TMEM232: variants seen among roughly 807,000 people sequenced by gnomAD.
The protein encoded by TMEM232 is transmembrane protein 232.
TMEM232 carries 80 observed loss-of-function variants against 78.8 expected under a neutral mutation model. That is an observed-to-expected ratio of 1.01 (90% confidence interval 0.85 to 1.22). The LOEUF (loss-of-function observed/expected upper bound fraction) is 1.22. Ranked by LOEUF, TMEM232 falls within the 50% of genes most tolerant of loss-of-function variation. The pLI, the probability that TMEM232 is intolerant of heterozygous loss-of-function variation, is 0.00. For missense variants in TMEM232, 881 were observed against 742.2 expected, an observed-to-expected ratio of 1.19 and a Z score of -2.17; for synonymous variants, 297 against 254.3, an observed-to-expected ratio of 1.17 and a Z score of -1.60.
chr5:110,531,340 GC>G (rs2149537842), intron 11 of TMEM232, among the ~76,000 whole-genome samples: 1 of 152,262 alleles, frequency 6.6e-6, no homozygotes, highest in East Asian at 1.9e-4. Context: ...GAAATTTGGT[GC>G]TGTGACTCGG....
intron 12 of TMEM232, among the ~76,000 whole-genome samples, chr5:110,495,396 T>A (rs945735600): frequency 1.3e-5 from 2 of 151,920 alleles, no homozygotes; most frequent in Non-Finnish European, 2.9e-5. Flanking sequence ...TTTAAAGTTA[T>A]CCCAGGTAGT....
At chr5:110,450,509 A>T (rs1344902263) in intron 12 of TMEM232, among the ~76,000 whole-genome samples, 1 of 151,968 alleles carries the variant, frequency 6.6e-6, no homozygotes, top group Admixed American at 6.6e-5. Context: ...GAGTTAATTC[A>T]TGTCAAAATA....
chr5:110,694,688 A>G (rs1462598775), intron 1 of TMEM232, among the ~76,000 whole-genome samples: 6 of 151,880 alleles, frequency 4.0e-5, no homozygotes, highest in Non-Finnish European at 8.8e-5. Flanking sequence ...TAAACCAACA[A>G]AGATCAACAG....
intron 1 of TMEM232, among the ~76,000 whole-genome samples, chr5:110,703,649 T>A (rs1795649861): frequency 1.3e-5 from 2 of 152,098 alleles, no homozygotes; most frequent in South Asian, 4.1e-4. Flanking sequence ...GAACAGCCAC[T>A]GCACAAGGAG....
At chr5:110,653,426 C>T (rs1788605623) in intron 2 of TMEM232, among the ~76,000 whole-genome samples, 1 of 152,180 alleles carries the variant, frequency 6.6e-6, no homozygotes. Flanking sequence ...ATAAGCATTA[C>T]TCTTTTTGGT....
chr5:110,432,153 A>C (rs922255140), intron 12 of TMEM232, among the ~76,000 whole-genome samples: 2 of 151,668 alleles, frequency 1.3e-5, no homozygotes, highest in Non-Finnish European at 3.0e-5. Context: ...GATACTATAT[A>C]AGGTCACCAT....
At chr5:110,614,269 T>C (rs1191794981) in intron 8 of TMEM232, among the ~76,000 whole-genome samples, 1 of 152,116 alleles carries the variant, frequency 6.6e-6, no homozygotes, top group Admixed American at 6.6e-5. Context: ...AGCAGTTATC[T>C]GCTTAACAAT....
chr5:110,605,464 A>T, intron 9 of TMEM232, 106 bp from the exon 10 acceptor site: 1 of 1,269,658 alleles, frequency 7.9e-7, no homozygotes. Flanking sequence ...AAACTAATAT[A>T]TCTAAATGTG....
chr5:110,627,851 A>T lies in TMEM232; in HGVS notation c.531T>A (p.Phe177Leu). Residue 177 changes from phenylalanine (F) to leucine (L), a missense_variant, in exon 6 of 14, where the codon TTT becomes TTA. Transcript: ENST00000455884. ...KIGYLVFLRLFIFFLHGHLES... is the reference protein window; with the variant it reads ...KIGYLVFLRLLIFFLHGHLES... The stretch of plus-strand genomic sequence containing the variant: ...CTAGATGACCATGCAGGAAAAATAT[A>T]AAAAGTCGTAAGAAGACCAAATAGC... The T allele has an allele frequency of 6.5e-7, 1 of 1,536,678 alleles. No individual in the cohort carries two copies. The highest frequency in any genetic ancestry group is 8.7e-7 in the Non-Finnish European group (1 of 1,143,116).
chr5:110,584,529 T>C (rs1244820094), intron 10 of TMEM232, among the ~76,000 whole-genome samples: 1 of 152,186 alleles, frequency 6.6e-6, no homozygotes, highest in South Asian at 2.1e-4. Context: ...TCAATGGGTA[T>C]AACATTTCAG....
Position 110,663,324 on chromosome 5 carries a change from G to A in TMEM232, c.125+3904C>T, listed in dbSNP as rs376272419. On this transcript the variant is annotated intron_variant, in intron 2 of 13. Transcript: ENST00000455884. ...AACAAAAACAAAGTTAAAGGATAAG[G>A]CATACCTTGGGAGAATTTATAATAA... Among the ~76,000 whole-genome samples, 14 of 151,830 alleles carry A rather than the reference G, an allele frequency of 9.2e-5. 2 individuals carry two copies. The highest frequency in any genetic ancestry group is 7.7e-4 in the East Asian group (4 of 5,174).
chr5:110,680,396 CAAAAAA>C (rs1189611727), intron 1 of TMEM232, among the ~76,000 whole-genome samples: 12 of 24,660 alleles, frequency 4.9e-4, no homozygotes, highest in African/African-American at 1.7e-3. Flanking sequence ...GACTCTATCT[CAAAAAA>C]AAAAAAAAAA....
chr5:110,556,363 T>TCC (rs1304429744), intron 11 of TMEM232, among the ~76,000 whole-genome samples: 5 of 126,134 alleles, frequency 4.0e-5, no homozygotes, highest in Non-Finnish European at 5.1e-5. Context: ...CCCTTCCCCT[T>TCC]CCTTCCTTCC....
intron 1 of TMEM232, among the ~76,000 whole-genome samples, chr5:110,707,591 G>C (rs544113845): frequency 2.4e-4 from 36 of 152,336 alleles, no homozygotes; most frequent in Admixed American, 1.1e-3. Context: ...TGGACACAAA[G>C]ACTGCAATTC....
At chr5:110,724,825 T>C in intron 1 of TMEM232, among the ~76,000 whole-genome samples, 1 of 152,246 alleles carries the variant, frequency 6.6e-6, no homozygotes. Context: ...GAGCACCTGC[T>C]ACATAATAAA....
intron 7 of TMEM232, 111 bp from the exon 8 acceptor site, chr5:110,618,673 T>C: frequency 8.9e-7 from 1 of 1,122,384 alleles, no homozygotes; most frequent in Non-Finnish European, 1.2e-6. Context: ...TGAAAATGCA[T>C]ATTCTCTTAC....
chr5:110,696,649 T>C (rs190246249), intron 1 of TMEM232, among the ~76,000 whole-genome samples: 209 of 152,184 alleles, frequency 1.4e-3, no homozygotes, highest in African/African-American at 4.9e-3. Context: ...AGCATTCTTA[T>C]ACATCAATAA....
intron 12 of TMEM232, among the ~76,000 whole-genome samples, chr5:110,486,095 C>G (rs542815314): frequency 2.0e-5 from 3 of 151,396 alleles, no homozygotes; most frequent in African/African-American, 7.2e-5. Context: ...TTTTTTCATA[C>G]ATTTGTTGGC....
intron 1 of TMEM232, among the ~76,000 whole-genome samples, chr5:110,701,255 A>G (rs1380177724): frequency 1.3e-5 from 2 of 151,994 alleles, no homozygotes; most frequent in Non-Finnish European, 2.9e-5. Flanking sequence ...ATTCCTAACT[A>G]TGGTTCCAAT....
Sources: allele counts gnomAD v4.1 joint callset (sites outside exome capture counted in the v4.1 genomes callset), GRCh38; gene constraint gnomAD v4.1.1; transcripts MANE v1.5; gene names NCBI Gene and HGNC (gene_info 2026-07-23, HGNC 2026-07-21).